The following MYO16 variants were observed in gnomAD, a reference collection of about 807,000 sequenced individuals.
The protein encoded by MYO16 is myosin XVI, also known as unconventional myosin-XVI.
MYO16 carries 94 observed loss-of-function variants against 205.3 expected under a neutral mutation model. The ratio of observed to expected loss-of-function variants is 0.46; its 90% CI spans 0.39 to 0.54. The LOEUF (loss-of-function observed/expected upper bound fraction) is 0.54. MYO16 is among the 20% of genes least tolerant of loss of function. The pLI is 0.00. For synonymous variants in MYO16, 988 were observed against 954.0 expected, an observed-to-expected ratio of 1.04 and a Z score of -0.66; for missense variants, 2,315 against 2,387.5, an observed-to-expected ratio of 0.97 and a Z score of 0.63.
chr13:108,688,194 A>AATTACAAGG (rs1566550790), intron 2 of MYO16, among the ~76,000 whole-genome samples: 3 of 151,724 alleles, frequency 2.0e-5, no homozygotes, highest in East Asian at 3.9e-4. Context: ...TAATTACAAG[A>AATTACAAGG]GCCTTGTAAT....
chr13:108,790,785 C>G (rs145908235), intron 5 of MYO16, among the ~76,000 whole-genome samples: 1 of 151,898 alleles, frequency 6.6e-6, no homozygotes, highest in Non-Finnish European at 1.5e-5. Flanking sequence ...AATAATATTC[C>G]CCTGTGATGT....
chr13:109,055,430 C>T lies in MYO16; in HGVS notation c.3170C>T (p.Thr1057Ile). 6.2e-7 allele frequency: 1 copy of T among 1,612,994 alleles called. No individual in the cohort carries two copies. The highest frequency in any genetic ancestry group is 8.5e-7 in the Non-Finnish European group (1 of 1,179,396). The change falls in exon 27 of 35, where the codon ACT becomes ATT. Residue 1057 changes from threonine to isoleucine, a missense_variant. Around this residue, in one of 3 missense-constraint regions of MYO16, gnomAD observed 1,213 missense variants for 1,274.4 expected, o/e 0.95. Transcript: ENST00000457511. This position sits in a 1 kb window ranked among gnomAD's most constrained non-coding sequence, Gnocchi z 5.0. ...MDIIGKLQKC[T>I]PHFIHCIRPN... The stretch of plus-strand genomic sequence containing the variant: ...ATTATTGGAAAACTTCAGAAGTGCA[C>T]TCCACACTTCATTCATTGCATCAGG...
the MYO16 span, among the ~76,000 whole-genome samples, chr13:108,534,808 T>TTCC: frequency 6.6e-6 from 1 of 150,454 alleles, no homozygotes; most frequent in Non-Finnish European, 1.5e-5. Context: ...TCTTCCTTCC[T>TTCC]TCCTCCTCCT....
intron 2 of MYO16, among the ~76,000 whole-genome samples, chr13:108,697,002 C>T (rs1883118321): frequency 6.6e-6 from 1 of 151,694 alleles, no homozygotes; most frequent in African/African-American, 2.4e-5. Context: ...AATACCCTGC[C>T]CTTCTACTCA....
At chr13:108,798,866 C>T (rs1250339147) in intron 6 of MYO16, among the ~76,000 whole-genome samples, 5 of 143,454 alleles carry the variant, frequency 3.5e-5, no homozygotes, top group African/African-American at 1.0e-4. Flanking sequence ...CCACCGCGCC[C>T]GGCTAATTTT....
At chr13:109,063,117 A>G (rs947755534) in intron 27 of MYO16, among the ~76,000 whole-genome samples, 4 of 152,160 alleles carry the variant, frequency 2.6e-5, no homozygotes, top group African/African-American at 4.8e-5. Context: ...AATGTGGATA[A>G]TGGACATTTG....
intron 5 of MYO16, among the ~76,000 whole-genome samples, chr13:108,792,512 C>CTT (rs35311611): frequency 0.34 from 43,654 of 128,972 alleles, 8,139 homozygotes; most frequent in East Asian, 0.63. Flanking sequence ...ATACTAATGT[C>CTT]TTTTTTTTTT....
At chr13:108,983,961 C>G (rs977842394) in intron 20 of MYO16, among the ~76,000 whole-genome samples, 2 of 152,166 alleles carry the variant, frequency 1.3e-5, no homozygotes, top group Non-Finnish European at 2.9e-5. Context: ...TAGAATTTAT[C>G]AGCCTGGAAA....
In MYO16 at chr13:108,951,351, A is replaced by G. The variant is rs141921050; in HGVS notation, c.1926-6337A>G. 2.5e-3 allele frequency among the ~76,000 whole-genome samples: 382 copies of G among 152,264 alleles called. 1 individual carries two copies. The highest frequency in any genetic ancestry group is 8.8e-3 in the African/African-American group (365 of 41,548). ...AAACCTCATGATATGAAGTTAATCAATGGAAAGTGAATTATGCATCAACCT... is the reference window on the plus strand; with the variant it reads ...AAACCTCATGATATGAAGTTAATCAGTGGAAAGTGAATTATGCATCAACCT... On this transcript the variant is annotated intron_variant, in intron 16 of 34. Transcript: ENST00000457511.
chr13:108,965,972 A>G (rs572772478), intron 20 of MYO16, among the ~76,000 whole-genome samples: 2 of 152,292 alleles, frequency 1.3e-5, no homozygotes, highest in South Asian at 4.1e-4. Flanking sequence ...TTCTTGGAAA[A>G]CATTAGAACT....
At chr13:108,794,721 A>C (rs1886730757) in intron 6 of MYO16, among the ~76,000 whole-genome samples, 1 of 152,206 alleles carries the variant, frequency 6.6e-6, no homozygotes, top group South Asian at 2.1e-4. Flanking sequence ...GGTTAGTGTG[A>C]GTTAAAATTA....
chr13:108,844,628 C>A, intron 10 of MYO16, 135 bp downstream of exon 10: 1 of 900,026 alleles, frequency 1.1e-6, no homozygotes, highest in Non-Finnish European at 1.6e-6. Context: ...TAATATTTTG[C>A]TTGCAGTTTT....
intron 2 of MYO16, among the ~76,000 whole-genome samples, chr13:108,671,182 T>C (rs1881973123): frequency 6.6e-6 from 1 of 152,194 alleles, no homozygotes; most frequent in African/African-American, 2.4e-5. Context: ...AAGGACTGGA[T>C]AGAAAAGTCT....
At chr13:109,017,060 T>A (rs1885852289) in intron 22 of MYO16, among the ~76,000 whole-genome samples, 1 of 152,164 alleles carries the variant, frequency 6.6e-6, no homozygotes, top group South Asian at 2.1e-4. Context: ...TTCCTAGCAT[T>A]GATGGTCTTT....
At chr13:109,145,615 T>G in intron 32 of MYO16, among the ~76,000 whole-genome samples, 1 of 152,304 alleles carries the variant, frequency 6.6e-6, no homozygotes, top group Admixed American at 6.5e-5. Context: ...ATTCACAACA[T>G]TTTTTTCCAT....
intron 27 of MYO16, among the ~76,000 whole-genome samples, chr13:109,078,977 G>A (rs1888200403): frequency 6.6e-6 from 1 of 152,154 alleles, no homozygotes; most frequent in African/African-American, 2.4e-5. Context: ...TTCTGCTTAT[G>A]ACTTGAGAGG....
chr13:108,518,156 A>G, the MYO16 span, among the ~76,000 whole-genome samples: 1 of 152,312 alleles, frequency 6.6e-6, no homozygotes, highest in Admixed American at 6.5e-5. Context: ...TATCCTGGGA[A>G]GGTTTACCGG....
intron 18 of MYO16, among the ~76,000 whole-genome samples, chr13:108,962,054 G>A (rs1382154751): frequency 1.3e-5 from 2 of 152,022 alleles, no homozygotes; most frequent in African/African-American, 4.8e-5. Context: ...AAGTTGCCTC[G>A]TTAGTCGCTC....
intron 24 of MYO16, chr13:109,048,515 G>A (rs958699717): frequency 3.3e-5 from 15 of 456,268 alleles, no homozygotes; most frequent in Non-Finnish European, 6.0e-5. Context: ...AAAAACAGCT[G>A]TAGACAATAC....
Sources: allele counts gnomAD v4.1 joint callset (sites outside exome capture counted in the v4.1 genomes callset), GRCh38; gene constraint gnomAD v4.1.1; regional missense constraint gnomAD v4.1.1; non-coding constraint Gnocchi (gnomAD v3.1); transcripts MANE v1.5; gene names NCBI Gene and HGNC (gene_info 2026-07-23, HGNC 2026-07-21).